Variants in STX8 observed in about 807,000 individuals in gnomAD.
STX8 encodes syntaxin 8, also known as syntaxin-8.
Under a neutral mutation model 37.5 loss-of-function variants are expected in STX8, and 23 were observed. The ratio of observed to expected loss-of-function variants is 0.61; its 90% confidence interval spans 0.44 to 0.87. The LOEUF is 0.87. Among genes scored for constraint, STX8 ranks in the 40% least tolerant of loss-of-function variants. The probability of loss-of-function intolerance (pLI) is 0.00; values close to 1 mark genes in which losing one functional copy is unlikely to be tolerated. For missense variants in STX8, 313 were observed against 284.7 expected, an observed-to-expected ratio of 1.10 and a Z score of -0.71; for synonymous variants, 115 against 99.1, an observed-to-expected ratio of 1.16 and a Z score of -0.95.
intron 7 of STX8, among the ~76,000 whole-genome samples, chr17:9,322,807 C>T (rs1909618892): frequency 1.1e-5 from 1 of 89,252 alleles, no homozygotes; most frequent in African/African-American, 4.4e-5. Context: ...AATTTGGGTG[C>T]ATTTGCTAAA....
intron 6 of STX8, among the ~76,000 whole-genome samples, chr17:9,458,177 T>C (rs914661555): frequency 2.0e-5 from 3 of 152,120 alleles, no homozygotes; most frequent in African/African-American, 4.8e-5. Context: ...TGAGATGGAG[T>C]CTCGCTCTGT....
At chr17:9,272,513 G>A (rs1207056027) in intron 7 of STX8, among the ~76,000 whole-genome samples, 1 of 152,112 alleles carries the variant, frequency 6.6e-6, no homozygotes, top group Non-Finnish European at 1.5e-5. Flanking sequence ...AGATTGTAAG[G>A]TGCAAAATAA....
chr17:9,450,462 TCTC>T (rs1195301506), intron 6 of STX8, among the ~76,000 whole-genome samples: 1 of 151,602 alleles, frequency 6.6e-6, no homozygotes, highest in African/African-American at 2.4e-5. Flanking sequence ...TCCTTCAAAT[TCTC>T]CAAGACCCAT....
chr17:9,493,726 CT>C (rs1906955866), intron 5 of STX8, among the ~76,000 whole-genome samples: 1 of 152,152 alleles, frequency 6.6e-6, no homozygotes, highest in Non-Finnish European at 1.5e-5. Flanking sequence ...TTTGAGAGTT[CT>C]TTTGACCTCT....
At chr17:9,480,034 A>G (rs1420644157) in intron 6 of STX8, among the ~76,000 whole-genome samples, 6 of 152,146 alleles carry the variant, frequency 3.9e-5, no homozygotes, top group African/African-American at 7.2e-5. Context: ...ATCTGTTCAA[A>G]TATCATTTTC....
At position 9,534,250 on chromosome 17, in the gene STX8, A is replaced by T. The variant is rs543281836; in HGVS notation, c.323+10922T>A. On this transcript the variant is annotated intron_variant, in intron 4 of 7. Coordinates refer to ENST00000306357, the MANE Select transcript of STX8 (RefSeq NM_004853.3). ...ATTTAAAACAGCAACCAAAAAGATT[A>T]AAAAAAAAACAAATAAATTTGACCA... is the stretch of plus-strand genomic sequence containing the variant. Among the ~76,000 whole-genome samples, 26 of 149,106 alleles carry T rather than the reference A, an allele frequency of 1.7e-4. 1 individual carries two copies. The highest frequency in any genetic ancestry group is 2.8e-4 in the Non-Finnish European group (19 of 67,150).
At chr17:9,350,378 G>A (rs1910665844) in intron 7 of STX8, among the ~76,000 whole-genome samples, 1 of 152,250 alleles carries the variant, frequency 6.6e-6, no homozygotes. Flanking sequence ...AACTGAAACT[G>A]TGGAAAGCAA....
intron 7 of STX8, among the ~76,000 whole-genome samples, chr17:9,271,438 G>A (rs1488988054): frequency 6.6e-6 from 1 of 151,844 alleles, no homozygotes; most frequent in Non-Finnish European, 1.5e-5. Flanking sequence ...GGGTGACAGA[G>A]TGAGACCCTG....
chr17:9,471,031 C>CATTTTTTTTTTT (rs1905834920), intron 6 of STX8, among the ~76,000 whole-genome samples: 1 of 33,054 alleles, frequency 3.0e-5, no homozygotes, highest in Non-Finnish European at 5.5e-5. Flanking sequence ...CTGCATCCTG[C>CATTTTTTTTTTT]TTTTTTTTTT....
intron 6 of STX8, among the ~76,000 whole-genome samples, chr17:9,393,235 C>CA (rs573199125): frequency 1.3e-5 from 2 of 152,136 alleles, no homozygotes; most frequent in Non-Finnish European, 2.9e-5. Flanking sequence ...GCTATCAACA[C>CA]AAAATTCTAT....
chr17:9,522,810 G>A (rs910178856), intron 4 of STX8, among the ~76,000 whole-genome samples: 5 of 152,112 alleles, frequency 3.3e-5, no homozygotes, highest in African/African-American at 1.2e-4. Flanking sequence ...TTGGTTAAGG[G>A]AGACAGGGAA....
intron 7 of STX8, among the ~76,000 whole-genome samples, chr17:9,371,989 T>C (rs1911416444): frequency 6.6e-6 from 1 of 152,184 alleles, no homozygotes; most frequent in Admixed American, 6.5e-5. Flanking sequence ...GTGCTGGTCA[T>C]TGCCCTTAGA....
chr17:9,493,125 C>T (rs1247431226), intron 5 of STX8, among the ~76,000 whole-genome samples: 1 of 149,828 alleles, frequency 6.7e-6, no homozygotes, highest in Non-Finnish European at 1.5e-5. Context: ...TAGCTAGGCA[C>T]GATGGCATGT....
intron 7 of STX8, among the ~76,000 whole-genome samples, chr17:9,303,542 C>A (rs1378331110): frequency 6.6e-6 from 1 of 152,052 alleles, no homozygotes; most frequent in Non-Finnish European, 1.5e-5. Flanking sequence ...AAGTTTTGTT[C>A]ATCTATATTT....
intron 7 of STX8, among the ~76,000 whole-genome samples, chr17:9,350,602 G>T (rs542712473): frequency 1.3e-5 from 2 of 151,718 alleles, no homozygotes; most frequent in Non-Finnish European, 2.9e-5. Context: ...GCACGATCTC[G>T]GCTCACTGCA....
intron 6 of STX8, among the ~76,000 whole-genome samples, chr17:9,433,301 G>A (rs948792050): frequency 9.2e-5 from 14 of 152,212 alleles, no homozygotes; most frequent in Non-Finnish European, 1.8e-4. Context: ...CAAGTCTTTA[G>A]TTTCAAAATC....
intron 6 of STX8, among the ~76,000 whole-genome samples, chr17:9,445,359 AGTTT>A (rs751975772): frequency 1.8e-4 from 27 of 151,774 alleles, no homozygotes; most frequent in Non-Finnish European, 2.9e-4. Context: ...ACTGCTAAAG[AGTTT>A]GTTTGGTAAA....
chr17:9,353,315 C>T (rs574394816), intron 7 of STX8, among the ~76,000 whole-genome samples: 1 of 152,270 alleles, frequency 6.6e-6, no homozygotes, highest in African/African-American at 2.4e-5. Context: ...TCTTCCTGTC[C>T]CAGATTTAGA....
chr17:9,345,596 AATAT>A lies in STX8; in HGVS notation c.643+32952_643+32955del, dbSNP rs1217589579. On this transcript the variant is annotated intron_variant, in intron 7 of 7. Transcript: ENST00000306357. ...AATTTTTTATTTTTAGATGACAAAGAATATATATTTATGGGGTACAAAGTAATGT... is the reference window on the plus strand; with the variant it reads ...AATTTTTTATTTTTAGATGACAAAGAATATTTATGGGGTACAAAGTAATGT... Among the ~76,000 whole-genome samples, 12 of 152,218 alleles carry A rather than the reference AATAT, an allele frequency of 7.9e-5. No homozygotes were observed. In the East Asian group the frequency reaches 2.1e-3, roughly 27 times the overall value.
Sources: allele counts gnomAD v4.1 joint callset (sites outside exome capture counted in the v4.1 genomes callset), GRCh38; gene constraint gnomAD v4.1.1; transcripts MANE v1.5; gene names NCBI Gene and HGNC (gene_info 2026-07-23, HGNC 2026-07-21).